Variants in SLC23A2 observed in about 807,000 individuals in gnomAD.
The protein encoded by SLC23A2 is solute carrier family 23 member 2.
SLC23A2 carries 36 observed loss-of-function variants against 73.3 expected under a neutral mutation model. The observed-to-expected ratio is 0.49, with a 90% CI of 0.38 to 0.65. The LOEUF is 0.65. SLC23A2 is among the 30% of genes least tolerant of loss of function. SLC23A2 has a pLI of 0.00. For missense variants in SLC23A2, 507 were observed against 841.6 expected (o/e 0.60, Z 4.92); for synonymous variants, 343 against 327.3 (o/e 1.05, Z -0.52).
chr20:4,974,901 C>T (rs893329889), intron 1 of SLC23A2, among the ~76,000 whole-genome samples: 3 of 152,206 alleles, frequency 2.0e-5, no homozygotes, highest in African/African-American at 7.2e-5. Context: ...GATTCTCCTG[C>T]CTCAGCCTCC....
At chr20:4,991,635 T>C (rs2087923529) in intron 1 of SLC23A2, among the ~76,000 whole-genome samples, 1 of 150,780 alleles carries the variant, frequency 6.6e-6, no homozygotes, top group African/African-American at 2.4e-5. Context: ...GGCAGGAGAA[T>C]TGCTTGAATC....
In SLC23A2 at chr20:4,874,704, G is replaced by A. The variant is rs778058246; in HGVS notation, c.825-8C>T. On this transcript the variant is annotated splice_region_variant and splice_polypyrimidine_tract_variant and intron_variant, in intron 9 of 16. Coordinates refer to ENST00000338244, the MANE Select transcript of SLC23A2 (RefSeq NM_005116.6). ...AATACTAGGAATATTGTCCTGAGGAGAGAAAGAAAACAAACTAGGTCAAAA... is the reference window on the plus strand; with the variant it reads ...AATACTAGGAATATTGTCCTGAGGAAAGAAAGAAAACAAACTAGGTCAAAA... The A allele has an allele frequency of 6.3e-7, 1 of 1,576,466 alleles. No individual in the cohort carries two copies. The highest frequency in any genetic ancestry group is 1.4e-5 in the African/African-American group (1 of 73,438).
chr20:4,866,602 C>T (rs1043855952), intron 13 of SLC23A2, among the ~76,000 whole-genome samples: 2 of 152,242 alleles, frequency 1.3e-5, no homozygotes, highest in South Asian at 4.1e-4. Flanking sequence ...GCCATTGGCA[C>T]ACCTCAGGCT....
chr20:4,891,603 T>C lies in SLC23A2; in HGVS notation c.483-5694A>G, dbSNP rs572936425. Among the ~76,000 whole-genome samples, 15 of 152,354 alleles carry C rather than the reference T, an allele frequency of 9.8e-5. No homozygotes were observed. In the East Asian group the frequency reaches 2.5e-3, roughly 25 times the overall value. ...CAAGCCCTGCTACACTCATCAGGTC[T>C]GCGTTGCTACACAAGGCTGTCCAGC... On this transcript the variant is annotated intron_variant, in intron 6 of 16. Transcript: ENST00000338244.
rs1194141868 is a variant in SLC23A2 at position 4,857,392 on chromosome 20, AG to A, written c.1721-189del. 6.6e-6 allele frequency among the ~76,000 whole-genome samples: 1 copy of A among 151,782 alleles called. No homozygotes were observed. The highest frequency in any genetic ancestry group is 1.9e-4 in the East Asian group (1 of 5,160). The stretch of plus-strand genomic sequence containing the variant: ...CAGCAAAGAATACTTGAGGAGGTGA[AG>A]GTGCTCAGCTATCCAGTGCCCAAAC... On this transcript the variant is annotated intron_variant, in intron 16 of 16. Coordinates refer to ENST00000338244, the MANE Select transcript of SLC23A2 (RefSeq NM_005116.6). The surrounding 1 kb of genome is among the most constrained non-coding windows in gnomAD (Gnocchi z 4.0).
chr20:5,007,054 C>T (rs73601338), intron 1 of SLC23A2, among the ~76,000 whole-genome samples: 2,787 of 151,812 alleles, frequency 0.018, 106 homozygotes, highest in South Asian at 0.15. Context: ...CTGAAAACAA[C>T]CTAAACATCC....
chr20:4,897,701 C>T (rs1250486162), intron 6 of SLC23A2, among the ~76,000 whole-genome samples: 1 of 152,146 alleles, frequency 6.6e-6, no homozygotes, highest in Non-Finnish European at 1.5e-5. Context: ...AAGTATTTAC[C>T]CCAAGTTCCC....
At chr20:4,987,996 T>TA (rs201715841) in intron 1 of SLC23A2, among the ~76,000 whole-genome samples, 2,601 of 139,412 alleles carry the variant, frequency 0.019, 61 homozygotes, top group South Asian at 0.14. Context: ...CACGATGCAT[T>TA]AAAAAAAAAA....
At chr20:4,922,473 CAAG>C (rs1568625638) in intron 3 of SLC23A2, among the ~76,000 whole-genome samples, 1 of 152,174 alleles carries the variant, frequency 6.6e-6, no homozygotes, top group African/African-American at 2.4e-5. Context: ...GCAGAACAAA[CAAG>C]AGGTCCTCTA....
upstream of SLC23A2, among the ~76,000 whole-genome samples, chr20:5,004,925 G>A (rs929039280): frequency 7.2e-5 from 11 of 152,030 alleles, no homozygotes; most frequent in African/African-American, 2.6e-4. Flanking sequence ...CTTGAACCCA[G>A]GAGGTGGAGG....
At chr20:4,984,257 A>G (rs1426659860) in intron 1 of SLC23A2, among the ~76,000 whole-genome samples, 6 of 151,920 alleles carry the variant, frequency 3.9e-5, no homozygotes, top group Non-Finnish European at 7.4e-5. Context: ...TGGGCAACAT[A>G]GCAAGACCCA....
intron 2 of SLC23A2, among the ~76,000 whole-genome samples, chr20:4,969,262 T>TA (rs1249453736): frequency 1.3e-5 from 2 of 152,072 alleles, no homozygotes; most frequent in Admixed American, 6.6e-5. Flanking sequence ...TAATTTTTTG[T>TA]ACTTTTAATA....
intron 2 of SLC23A2, among the ~76,000 whole-genome samples, chr20:4,954,145 G>C (rs2087245877): frequency 6.6e-6 from 1 of 152,040 alleles, no homozygotes; most frequent in African/African-American, 2.4e-5. Context: ...AAATAGAGAA[G>C]AAATGACCAA....
chr20:4,985,450 A>AT (rs372176082), intron 1 of SLC23A2, among the ~76,000 whole-genome samples: 25,424 of 144,354 alleles, frequency 0.18, 2,352 homozygotes, highest in Non-Finnish European at 0.23. Context: ...AAAAAACCAC[A>AT]TTTTTTTTTT....
intron 2 of SLC23A2, among the ~76,000 whole-genome samples, chr20:4,951,395 C>T (rs926236954): frequency 2.6e-5 from 4 of 152,098 alleles, no homozygotes; most frequent in Non-Finnish European, 4.4e-5. Context: ...ACCTGAGAAA[C>T]TCTGAGAGAC....
rs1931029434 is a variant in SLC23A2, at chr20:4,884,758, G to T, written c.637C>A (p.Arg213=). The change falls in exon 8 of 17, where the codon CGA becomes AGA. Residue 213 remains arginine (R), a synonymous_variant. Coordinates refer to ENST00000338244, the MANE Select transcript of SLC23A2 (RefSeq NM_005116.6). ...HTEHIWYPRI[R]EIQGAIIMSS... is the part of the protein sequence containing the mutation. Reference sequence around the variant, plus strand: ...AGACAACGCTTGTCTTTTACCTCTCGGATCCGGGGATACCAGATGTGTTCT... The same window carrying T: ...AGACAACGCTTGTCTTTTACCTCTCTGATCCGGGGATACCAGATGTGTTCT... The T allele has an allele frequency of 1.2e-6, 2 of 1,607,944 alleles. No individual in the cohort carries two copies. Among genetic ancestry groups the T allele is most frequent in the African/African-American group, 1.3e-5 (1 of 74,800 alleles).
intron 9 of SLC23A2, among the ~76,000 whole-genome samples, chr20:4,881,990 C>T (rs1351692785): frequency 6.6e-6 from 1 of 152,048 alleles, no homozygotes; most frequent in Non-Finnish European, 1.5e-5. Context: ...GCATTAATTA[C>T]ATTTCGCTGA....
chr20:4,994,986 A>C (rs1434408435), intron 1 of SLC23A2, among the ~76,000 whole-genome samples: 1 of 152,124 alleles, frequency 6.6e-6, no homozygotes, highest in Non-Finnish European at 1.5e-5. Context: ...TCCTTCATGA[A>C]GACTGAGGAC....
chr20:4,985,907 G>T (rs1193758778), intron 1 of SLC23A2, among the ~76,000 whole-genome samples: 1 of 152,124 alleles, frequency 6.6e-6, no homozygotes, highest in Non-Finnish European at 1.5e-5. Flanking sequence ...CAGTGAACAT[G>T]CTACCAACTA....
Sources: gnomAD v4.1 joint callset for allele counts (sites outside exome capture counted in the v4.1 genomes callset) on GRCh38, gnomAD v4.1.1 for gene constraint, Gnocchi (gnomAD v3.1) non-coding constraint, MANE v1.5 for transcripts, NCBI Gene and HGNC (gene_info 2026-07-23, HGNC 2026-07-21) for gene names.